The following RNGTT variants were observed in gnomAD, a reference collection of about 807,000 sequenced individuals.
RNGTT encodes mRNA-capping enzyme.
In RNGTT, 33 loss-of-function variants were observed where a neutral mutation model predicts 79.3. The observed-to-expected ratio is 0.42, with a 90% CI of 0.32 to 0.56. The LOEUF (loss-of-function observed/expected upper bound fraction) is 0.56. Among genes scored for constraint, RNGTT ranks in the 20% least tolerant of loss-of-function variants. The pLI, the probability that RNGTT is intolerant of heterozygous loss-of-function variation, is 0.17. For synonymous variants in RNGTT, 222 were observed against 235.9 expected (o/e 0.94, Z 0.54); for missense variants, 497 against 739.1 (o/e 0.67, Z 3.80).
At chr6:88,680,324 G>A (rs1035212760) in intron 13 of RNGTT, among the ~76,000 whole-genome samples, 2 of 152,158 alleles carry the variant, frequency 1.3e-5, no homozygotes, top group African/African-American at 4.8e-5. Context: ...TGAGGTAGTT[G>A]TGTGATTACC....
chr6:88,863,299 A>G (rs561366980), intron 8 of RNGTT, among the ~76,000 whole-genome samples: 1 of 152,340 alleles, frequency 6.6e-6, no homozygotes, highest in Admixed American at 6.5e-5. Context: ...ACATAAGCAT[A>G]GCCATCTTTA....
At chr6:88,846,519 G>A (rs931077311) in intron 10 of RNGTT, among the ~76,000 whole-genome samples, 4 of 152,178 alleles carry the variant, frequency 2.6e-5, no homozygotes, top group South Asian at 2.1e-4. Context: ...AGGCTAAAGC[G>A]GGCAGATTGC....
chr6:88,890,707 T>A, intron 7 of RNGTT, 111 bp from the exon 8 acceptor site: 1 of 574,876 alleles, frequency 1.7e-6, no homozygotes, highest in Non-Finnish European at 3.0e-6. Flanking sequence ...CTCCCTATGA[T>A]GAGATTAATG....
chr6:88,754,938 T>C (rs953983406), intron 13 of RNGTT, among the ~76,000 whole-genome samples: 2 of 152,186 alleles, frequency 1.3e-5, no homozygotes, highest in Non-Finnish European at 2.9e-5. Flanking sequence ...TGGGTAAATC[T>C]CTGTTCGAGG....
rs1264001152 is a variant in RNGTT, at chr6:88,868,512, A to G, written c.897-14748T>C. Among the ~76,000 whole-genome samples, 6 of 152,164 alleles carry G rather than the reference A, an allele frequency of 3.9e-5. No homozygotes were observed. The East Asian group carries it at 9.6e-4, about 24-fold the overall frequency. ...GTCCAGCTCAGGCTGTTTCTACCTCATGACTTTCTTCACATTGCTCCCCTC... is the reference window on the plus strand; with the variant it reads ...GTCCAGCTCAGGCTGTTTCTACCTCGTGACTTTCTTCACATTGCTCCCCTC... On this transcript the variant is annotated intron_variant, in intron 8 of 15. Coordinates refer to ENST00000369485, the MANE Select transcript of RNGTT (RefSeq NM_003800.5).
At chr6:88,954,256 G>A (rs1184915653) in intron 1 of RNGTT, among the ~76,000 whole-genome samples, 1 of 151,832 alleles carries the variant, frequency 6.6e-6, no homozygotes, top group Non-Finnish European at 1.5e-5. Flanking sequence ...TAATGCATAA[G>A]GACTCACATA....
At chr6:88,773,196 C>T (rs1404987604) in intron 12 of RNGTT, among the ~76,000 whole-genome samples, 1 of 150,732 alleles carries the variant, frequency 6.6e-6, no homozygotes, top group Admixed American at 6.6e-5. Context: ...TGGAAATCAT[C>T]ATTCTCAGTA....
intron 5 of RNGTT, 31 bp from the exon 6 acceptor site, chr6:88,904,986 C>T (rs1272806893): frequency 1.2e-6 from 2 of 1,606,130 alleles, no homozygotes; most frequent in Non-Finnish European, 8.5e-7. Flanking sequence ...GCAATTTCCT[C>T]GCTATCCTCT....
At chr6:88,771,496 C>T (rs919538088) in intron 12 of RNGTT, among the ~76,000 whole-genome samples, 2 of 151,590 alleles carry the variant, frequency 1.3e-5, no homozygotes, top group Non-Finnish European at 2.9e-5. Context: ...GACTTTTATT[C>T]TCCTTTTTCA....
At chr6:88,895,987 C>A (rs114349617) in intron 6 of RNGTT, among the ~76,000 whole-genome samples, 129 of 152,260 alleles carry the variant, frequency 8.5e-4, no homozygotes, top group African/African-American at 2.9e-3. Flanking sequence ...TTCTTGAACA[C>A]CCCGTACCGT....
intron 9 of RNGTT, among the ~76,000 whole-genome samples, chr6:88,853,086 T>C (rs1781723471): frequency 6.6e-6 from 1 of 152,204 alleles, no homozygotes; most frequent in Non-Finnish European, 1.5e-5. Flanking sequence ...TTAACAAATT[T>C]CTCCACCAAA....
intron 14 of RNGTT, among the ~76,000 whole-genome samples, chr6:88,670,476 A>C (rs1774593179): frequency 6.6e-6 from 1 of 152,180 alleles, no homozygotes; most frequent in Admixed American, 6.5e-5. Flanking sequence ...ATTCCCACTA[A>C]TAAGTGAGAT....
chr6:88,641,682 G>GGCT (rs1301819199), intron 14 of RNGTT, among the ~76,000 whole-genome samples: 1 of 152,218 alleles, frequency 6.6e-6, no homozygotes, highest in Non-Finnish European at 1.5e-5. Context: ...CACTTGGTAT[G>GGCT]GCTGTGAGTG....
intron 14 of RNGTT, among the ~76,000 whole-genome samples, chr6:88,631,132 C>T (rs1443145338): frequency 1.3e-5 from 2 of 152,198 alleles, no homozygotes. Flanking sequence ...GTTAGCAGCT[C>T]TGTCTTTCTG....
intron 11 of RNGTT, among the ~76,000 whole-genome samples, chr6:88,835,975 AACACACACACACAC>A (rs72228554): frequency 1.3e-3 from 145 of 113,774 alleles, no homozygotes; most frequent in Admixed American, 5.0e-3. Flanking sequence ...CTCTATTAAA[AACACACACACACAC>A]ACACACACAC....
rs1773885465 is a variant in RNGTT, at chr6:88,653,926, C to T, written c.1506+24427G>A. Among the ~76,000 whole-genome samples, 5 of 152,284 alleles carry T rather than the reference C, an allele frequency of 3.3e-5. No individual in the cohort carries two copies. The South Asian group carries it at 6.2e-4, about 19-fold the overall frequency. On this transcript the variant is annotated intron_variant, in intron 14 of 15. Coordinates refer to ENST00000369485, the MANE Select transcript of RNGTT (RefSeq NM_003800.5). ...CATAAAGATAATATTGAGATTGAAA[C>T]GTGTGTATTTTAGGACTTATGTGGC... is the stretch of plus-strand genomic sequence containing the variant.
rs1316415179 is a variant in RNGTT at position 88,611,366 on chromosome 6, T to C, written c.*1353A>G. The C allele has an allele frequency of 6.5e-6, 1 of 152,674 alleles. No homozygotes were observed. Among genetic ancestry groups the C allele is most frequent in the Non-Finnish European group, 1.5e-5 (1 of 68,052 alleles). The allele number at this position is 152,674 out of a possible 1,614,324, so 9.5% of individuals were successfully genotyped here. On this transcript the variant is annotated 3_prime_UTR_variant, in exon 16 of 16. Coordinates refer to ENST00000369485, the MANE Select transcript of RNGTT (RefSeq NM_003800.5). ...ACACTTGCATATACTTACACAGATA[T>C]GCATTTACATATACAATTCAGACCA...
At chr6:88,872,426 C>CA (rs1197355088) in intron 8 of RNGTT, among the ~76,000 whole-genome samples, 15 of 149,372 alleles carry the variant, frequency 1.0e-4, no homozygotes, top group East Asian at 5.9e-4. Context: ...TTAATAGGTA[C>CA]AAAAAAAAAG....
chr6:88,953,764 C>T (rs1022497607), intron 1 of RNGTT, among the ~76,000 whole-genome samples: 1 of 152,204 alleles, frequency 6.6e-6, no homozygotes, highest in Non-Finnish European at 1.5e-5. Context: ...AACAGATTAA[C>T]AGCTGATTTC....
Sources: gnomAD v4.1 joint callset for allele counts (sites outside exome capture counted in the v4.1 genomes callset) on GRCh38, gnomAD v4.1.1 for gene constraint, MANE v1.5 for transcripts, NCBI Gene and HGNC (gene_info 2026-07-23, HGNC 2026-07-21) for gene names.